The following TPO variants were observed in gnomAD, a reference collection of about 807,000 sequenced individuals.
TPO encodes thyroid microsomal antigen.
TPO carries 78 observed loss-of-function variants against 96.9 expected under a neutral mutation model. The ratio of observed to expected loss-of-function variants is 0.81; its 90% CI spans 0.67 to 0.97. TPO has a LOEUF of 0.97. TPO is among the 50% of genes least tolerant of loss of function. The pLI is 0.00. For missense variants in TPO, 1,252 were observed against 1,274.8 expected (o/e 0.98, Z 0.27); for synonymous variants, 547 against 538.0 (o/e 1.02, Z -0.23).
chr2:1,472,293 G>A (rs932552630), intron 7 of TPO, among the ~76,000 whole-genome samples: 6 of 151,674 alleles, frequency 4.0e-5, no homozygotes, highest in African/African-American at 1.2e-4. Flanking sequence ...AAATACTCAT[G>A]CTATGTCCTT....
chr2:1,531,131 C>A lies in TPO; in HGVS notation c.2619-9463C>A, dbSNP rs1390609217. 2.9e-5 allele frequency among the ~76,000 whole-genome samples: 3 copies of A among 101,846 alleles called. No individual in the cohort carries two copies. The Admixed American group carries it at 3.0e-4, about 10-fold the overall frequency. The allele number at this position is 101,846 out of a possible 152,430, so 66.8% of individuals were successfully genotyped here. ...ATCCCCCCACTGTGTGCAACCTCCC[C>A]AAAACCCCCCACTGTGTGCAACCTC... On this transcript the variant is annotated intron_variant, in intron 15 of 16. Transcript: ENST00000329066.
upstream of TPO, among the ~76,000 whole-genome samples, chr2:1,410,032 G>C (rs1039268239): frequency 6.6e-6 from 1 of 151,928 alleles, no homozygotes; most frequent in African/African-American, 2.4e-5. Flanking sequence ...CAAAAGTGAG[G>C]GTTTCAGTTG....
chr2:1,429,173 A>G (rs1664733001), intron 3 of TPO, among the ~76,000 whole-genome samples: 4 of 152,058 alleles, frequency 2.6e-5, no homozygotes, highest in African/African-American at 9.7e-5. Flanking sequence ...ACTTCACGTG[A>G]GATCTGGTTG....
In TPO at chr2:1,436,370, A is replaced by G; in HGVS notation, c.468A>G (p.Gly156=). ...CLANKYRPIT[G]ACNNRDHPRW... is the part of the protein sequence containing the mutation. ...CGAACAAATACAGGCCCATCACAGG[A>G]GCTTGCAACAACAGGTATTGTTTGT... is the stretch of plus-strand genomic sequence containing the variant. Residue 156 remains glycine, a synonymous_variant, in exon 5 of 17, where the codon GGA becomes GGG. Coordinates refer to ENST00000329066, the MANE Select transcript of TPO (RefSeq NM_001206744.2). 1 of 1,614,126 alleles carries G rather than the reference A, an allele frequency of 6.2e-7. No individual in the cohort carries two copies. The highest frequency in any genetic ancestry group is 8.5e-7 in the Non-Finnish European group (1 of 1,180,022).
At chr2:1,519,396 G>A (rs1268195363) in intron 15 of TPO, among the ~76,000 whole-genome samples, 1 of 152,188 alleles carries the variant, frequency 6.6e-6, no homozygotes, top group African/African-American at 2.4e-5. Flanking sequence ...CTCGCGAGAA[G>A]ATTATATTCC....
intron 3 of TPO, among the ~76,000 whole-genome samples, chr2:1,424,007 C>T (rs1480655305): frequency 6.6e-6 from 1 of 152,076 alleles, no homozygotes; most frequent in African/African-American, 2.4e-5. Context: ...ATTTGTGAAC[C>T]CAAGTATCTA....
chr2:1,436,293 T>C lies in TPO; in HGVS notation c.391T>C (p.Ser131Pro), dbSNP rs201800220. Reference sequence around the variant, plus strand: ...TCTGCTGAGCATCATTGCAAACATGTCTGGATGTCTCCCTTACATGCTGCC... The same window carrying C: ...TCTGCTGAGCATCATTGCAAACATGCCTGGATGTCTCCCTTACATGCTGCC... ...EDLLSIIANMSGCLPYMLPPK... is the reference protein window; with the variant it reads ...EDLLSIIANMPGCLPYMLPPK... Residue 131 changes from serine (S) to proline (P), a missense_variant, in exon 5 of 17, where the codon TCT (serine) becomes CCT (proline). Ser to Pro is a moderately conservative substitution (Grantham distance 74). Transcript: ENST00000329066. The C allele has an allele frequency of 1.4e-5, 23 of 1,614,098 alleles. No homozygotes were observed.
At chr2:1,527,252 C>A (rs1172424058) in intron 15 of TPO, among the ~76,000 whole-genome samples, 3 of 140,010 alleles carry the variant, frequency 2.1e-5, no homozygotes, top group Non-Finnish European at 3.0e-5. Flanking sequence ...TGTGCAACCT[C>A]CCCAAAACCC....
intron 7 of TPO, among the ~76,000 whole-genome samples, chr2:1,474,877 CAT>C (rs2148663545): frequency 6.6e-6 from 1 of 152,334 alleles, no homozygotes; most frequent in Admixed American, 6.5e-5. Context: ...GTCTTTTATT[CAT>C]AGTTAATTAT....
chr2:1,399,448 G>A (rs1407724094), intron 1 of TPO, among the ~76,000 whole-genome samples: 2 of 152,156 alleles, frequency 1.3e-5, no homozygotes, highest in African/African-American at 2.4e-5. Flanking sequence ...ACATACCCAC[G>A]GTGAAGCTTA....
intron 15 of TPO, among the ~76,000 whole-genome samples, chr2:1,532,964 T>C (rs1573619774): frequency 3.7e-5 from 2 of 54,538 alleles, no homozygotes; most frequent in Non-Finnish European, 3.5e-5. Flanking sequence ...ATCCCCCCAC[T>C]GTGTCCAGCC....
chr2:1,542,357 T>C lies in TPO; in HGVS notation c.2749-64T>C, dbSNP rs781206263. ...CCAGGCCCTTCTGTCTTGTATCAAG[T>C]GTGTGCTGTTACTGGAGCAGTCAGA... On this transcript the variant is annotated intron_variant, in intron 16 of 16. Coordinates refer to ENST00000329066, the MANE Select transcript of TPO (RefSeq NM_001206744.2). 2.1e-5 allele frequency: 34 copies of C among 1,600,348 alleles called. No individual in the cohort carries two copies. The Admixed American group carries it at 3.9e-4, about 18-fold the overall frequency.
At chr2:1,382,008 G>T (rs1341063813) in intron 1 of TPO, among the ~76,000 whole-genome samples, 2 of 152,178 alleles carry the variant, frequency 1.3e-5, no homozygotes, top group African/African-American at 4.8e-5. Flanking sequence ...AGATGGAGGA[G>T]TTTTTACCCC....
intron 14 of TPO, among the ~76,000 whole-genome samples, chr2:1,507,662 C>T (rs1673619121): frequency 1.3e-5 from 2 of 151,462 alleles, no homozygotes; most frequent in Admixed American, 1.3e-4. Flanking sequence ...AATGGGAGTT[C>T]ACTCATGATT....
rs1010506797 is a variant in TPO, at chr2:1,442,373, C to T, written c.482+5989C>T. Among the ~76,000 whole-genome samples the T allele has an allele frequency of 1.4e-4, 21 of 152,198 alleles. No individual in the cohort carries two copies. The East Asian group carries it at 1.9e-3, about 14-fold the overall frequency. On this transcript the variant is annotated intron_variant, in intron 5 of 16. Transcript: ENST00000329066. ...CAACAGCCAGAAAACAAAGGGGCCA[C>T]GAGCCACTGTTTGCTCTGTGGTCTA...
chr2:1,380,190 C>T (rs574132805), intron 1 of TPO, among the ~76,000 whole-genome samples: 190 of 152,174 alleles, frequency 1.2e-3, no homozygotes, highest in African/African-American at 4.2e-3. Context: ...GTCAGGAGAT[C>T]AAGACCATCC....
chr2:1,526,687 A>ACC (rs1676584047), intron 15 of TPO, among the ~76,000 whole-genome samples: 1 of 58,660 alleles, frequency 1.7e-5, no homozygotes, highest in African/African-American at 7.7e-5. Flanking sequence ...TCCTCCCCAA[A>ACC]TCCCCCCCCC....
intron 7 of TPO, among the ~76,000 whole-genome samples, chr2:1,460,707 C>G (rs57005689): frequency 6.6e-6 from 1 of 152,052 alleles, no homozygotes; most frequent in Non-Finnish European, 1.5e-5. Flanking sequence ...TTGCTGGAAG[C>G]GTAGACCTCT....
At chr2:1,427,982 A>C (rs536291041) in intron 3 of TPO, among the ~76,000 whole-genome samples, 1 of 152,170 alleles carries the variant, frequency 6.6e-6, no homozygotes, top group African/African-American at 2.4e-5. Flanking sequence ...AAATGAAGCT[A>C]TTGGATGATG....
Sources: gnomAD v4.1 joint callset for allele counts (sites outside exome capture counted in the v4.1 genomes callset) on GRCh38, gnomAD v4.1.1 for gene constraint, MANE v1.5 for transcripts, NCBI Gene and HGNC (gene_info 2026-07-23, HGNC 2026-07-21) for gene names.